The following RHBDD1 variants were observed in gnomAD, a reference collection of about 807,000 sequenced individuals.
RHBDD1 encodes rhomboid domain containing 1.
RHBDD1 carries 38 observed loss-of-function variants against 36.3 expected under a neutral mutation model. The observed-to-expected ratio is 1.05, with a 90% CI of 0.81 to 1.37. The LOEUF is 1.37. RHBDD1 is among the 40% of genes most tolerant of loss of function. The pLI is 0.00. For synonymous variants in RHBDD1, 151 were observed against 136.5 expected (o/e 1.11, Z -0.74); for missense variants, 393 against 377.6 (o/e 1.04, Z -0.34).
At chr2:226,977,329 G>T (rs1486292119) in intron 8 of RHBDD1, among the ~76,000 whole-genome samples, 1 of 152,092 alleles carries the variant, frequency 6.6e-6, no homozygotes, top group Non-Finnish European at 1.5e-5. Context: ...AAGTGTATTT[G>T]CTTTGCTTTT....
chr2:226,885,843 G>C (rs372123365), intron 5 of RHBDD1, among the ~76,000 whole-genome samples: 2 of 152,160 alleles, frequency 1.3e-5, no homozygotes, highest in East Asian at 3.8e-4. Flanking sequence ...AACTACCATG[G>C]ATAGTGCAGA....
chr2:226,964,903 A>G (rs1187392641), intron 8 of RHBDD1, among the ~76,000 whole-genome samples: 6 of 152,214 alleles, frequency 3.9e-5, no homozygotes. Context: ...TTTTCTCTGA[A>G]TGAGATGGAC....
Position 226,918,064 on chromosome 2 carries a change from A to G in RHBDD1, c.856+3713A>G, listed in dbSNP as rs1468943377. Among the ~76,000 whole-genome samples the G allele has an allele frequency of 3.3e-5, 5 of 152,086 alleles. No homozygotes were observed. The South Asian group carries it at 1.0e-3, about 31-fold the overall frequency. On this transcript the variant is annotated intron_variant, in intron 8 of 8. Transcript: ENST00000392062. ...TAATACTAACTCCTATTAGGAAAAT[A>G]GAAAATAATTTTAACATATAATCCA...
intron 3 of RHBDD1, among the ~76,000 whole-genome samples, chr2:226,855,894 T>C (rs1384273918): frequency 1.3e-5 from 2 of 152,236 alleles, no homozygotes; most frequent in East Asian, 3.8e-4. Flanking sequence ...TCTTCATTTC[T>C]TTGTATCTCT....
intron 5 of RHBDD1, among the ~76,000 whole-genome samples, chr2:226,886,592 A>C (rs1946231867): frequency 6.6e-6 from 1 of 152,228 alleles, no homozygotes; most frequent in South Asian, 2.1e-4. Context: ...TAGGCTACAA[A>C]GGCAACTTCA....
In RHBDD1 at chr2:226,855,301, C is replaced by T. The variant is rs757975966; in HGVS notation, c.-90-9303C>T. Among the ~76,000 whole-genome samples the T allele has an allele frequency of 3.3e-5, 5 of 152,134 alleles. No homozygotes were observed. The East Asian group carries it at 5.8e-4, about 18-fold the overall frequency. ...AGTGGGAGGATTGCTTGAAGCAAGG[C>T]GCTCAAGAGCAGCCTGGACAACACA... On this transcript the variant is annotated intron_variant, in intron 3 of 8. Coordinates refer to ENST00000392062, the MANE Select transcript of RHBDD1 (RefSeq NM_001167608.3).
chr2:226,859,766 C>T (rs73083693), intron 3 of RHBDD1, among the ~76,000 whole-genome samples: 5,647 of 152,102 alleles, frequency 0.037, 358 homozygotes, highest in African/African-American at 0.13. Flanking sequence ...GTGATATAAG[C>T]ATACAGTTAT....
At chr2:226,948,564 TAAAA>T (rs56325989) in intron 8 of RHBDD1, among the ~76,000 whole-genome samples, 1 of 23,558 alleles carries the variant, frequency 4.2e-5, no homozygotes, top group South Asian at 1.2e-3. Context: ...ACTTAAAGTA[TAAAA>T]AAAAAAAAAA....
intron 5 of RHBDD1, among the ~76,000 whole-genome samples, chr2:226,891,646 C>G (rs1946696501): frequency 6.6e-6 from 1 of 152,118 alleles, no homozygotes; most frequent in Non-Finnish European, 1.5e-5. Context: ...GCTAGCAATC[C>G]TAGAGAAAAT....
chr2:226,850,847 A>G (rs924729272), intron 3 of RHBDD1, among the ~76,000 whole-genome samples: 1 of 151,984 alleles, frequency 6.6e-6, no homozygotes, highest in Admixed American at 6.5e-5. Context: ...CCTATTTGCT[A>G]CAGAATCTTC....
At chr2:226,931,191 C>T (rs773607905) in intron 8 of RHBDD1, among the ~76,000 whole-genome samples, 6 of 152,034 alleles carry the variant, frequency 3.9e-5, no homozygotes, top group Non-Finnish European at 2.9e-5. Context: ...TGCACACCTG[C>T]ATGCATATGT....
intron 5 of RHBDD1, among the ~76,000 whole-genome samples, chr2:226,898,772 A>C (rs973833115): frequency 6.6e-6 from 1 of 152,158 alleles, no homozygotes; most frequent in Non-Finnish European, 1.5e-5. Flanking sequence ...ATTTATTAAG[A>C]TCCCCAAACC....
At chr2:226,981,858 T>C (rs1246574627) in intron 8 of RHBDD1, among the ~76,000 whole-genome samples, 2 of 152,222 alleles carry the variant, frequency 1.3e-5, no homozygotes, top group Non-Finnish European at 2.9e-5. Flanking sequence ...CCTGCTTGTT[T>C]GTGCATTTCT....
chr2:226,840,881 TG>T (rs1032065474), intron 3 of RHBDD1, among the ~76,000 whole-genome samples: 26 of 151,994 alleles, frequency 1.7e-4, no homozygotes, highest in Non-Finnish European at 1.0e-4. Context: ...ACATATAATT[TG>T]GGTTTTTTTT....
chr2:226,924,358 C>T (rs993855326), intron 8 of RHBDD1, among the ~76,000 whole-genome samples: 7 of 152,172 alleles, frequency 4.6e-5, no homozygotes, highest in Non-Finnish European at 7.3e-5. Flanking sequence ...GGTACCCTAT[C>T]CTACTGTGGC....
chr2:226,927,008 G>T (rs963611196), intron 8 of RHBDD1, among the ~76,000 whole-genome samples: 16 of 152,016 alleles, frequency 1.1e-4, no homozygotes, highest in Non-Finnish European at 1.9e-4. Context: ...ACTTATGTGA[G>T]CTTTGACAGA....
upstream of RHBDD1, among the ~76,000 whole-genome samples, chr2:226,830,894 T>C (rs899497985): frequency 5.3e-5 from 8 of 152,268 alleles, no homozygotes; most frequent in African/African-American, 1.7e-4. Flanking sequence ...GGTCTCAAAT[T>C]TCTGGGCTCA....
chr2:226,956,427 C>T (rs903561684), intron 8 of RHBDD1, among the ~76,000 whole-genome samples: 1 of 152,204 alleles, frequency 6.6e-6, no homozygotes, highest in African/African-American at 2.4e-5. Context: ...CCCCAGGAGA[C>T]ATGCAAGCCT....
chr2:226,969,341 C>T lies in RHBDD1; in HGVS notation c.857-26090C>T, dbSNP rs1393789944. ...AACATCCCTGTATATAAGTCTGTGC[C>T]CAACTGTCACAAAGCAGCAATAGCC... On this transcript the variant is annotated intron_variant, in intron 8 of 8. Transcript: ENST00000392062. Among the ~76,000 whole-genome samples the T allele has an allele frequency of 2.7e-5, 4 of 150,802 alleles. No individual in the cohort carries two copies. In the East Asian group the frequency reaches 7.8e-4, roughly 29 times the overall value.
Sources: allele counts gnomAD v4.1 joint callset (sites outside exome capture counted in the v4.1 genomes callset), GRCh38; gene constraint gnomAD v4.1.1; transcripts MANE v1.5; gene names NCBI Gene and HGNC (gene_info 2026-07-23, HGNC 2026-07-21).